RESF1: variants seen among roughly 807,000 people sequenced by gnomAD.
RESF1 encodes the protein retroelement silencing factor 1, also known as gonad expressed transcript.
RESF1 carries 65 observed loss-of-function variants against 134.7 expected under a neutral mutation model. The ratio of observed to expected loss-of-function variants is 0.48; its 90% CI spans 0.40 to 0.59. The LOEUF is 0.59. RESF1 is among the 20% of genes least tolerant of loss of function. The pLI is 0.00. For missense variants in RESF1, 2,274 were observed against 2,002.7 expected (o/e 1.14, Z -2.59); for synonymous variants, 762 against 702.2 (o/e 1.09, Z -1.35).
At position 31,983,209 on chromosome 12, in the gene RESF1, A is replaced by C; in HGVS notation, c.2254A>C (p.Ile752Leu). 6.2e-7 allele frequency: 1 copy of C among 1,610,072 alleles called. No individual in the cohort carries two copies. Residue 752 changes from isoleucine to leucine, a missense_variant, in exon 4 of 6, where the codon ATA becomes CTA. Physicochemically the swap from Ile to Leu is conservative, Grantham distance 5. Transcript: ENST00000312561. ...MHNYESSGIN[I>L]TKGTELQIAV... ...CAATTATGAGTCTTCAGGTATAAAT[A>C]TAACAAAGGGAACAGAACTTCAGAT...
chr12:31,985,820 C>A lies in RESF1; in HGVS notation c.4865C>A (p.Pro1622Gln). The A allele has an allele frequency of 6.4e-7, 1 of 1,564,414 alleles. No individual in the cohort carries two copies. The highest frequency in any genetic ancestry group is 8.6e-7 in the Non-Finnish European group (1 of 1,163,492). The change falls in exon 4 of 6, where the codon CCG becomes CAG. Residue 1622 changes from proline to glutamine, a missense_variant. Coordinates refer to ENST00000312561, the MANE Select transcript of RESF1 (RefSeq NM_018169.4). ...RQENKHKTFL[P>Q]VKGNTEKSNM... is the part of the protein sequence containing the mutation. ...GAAAATAAACATAAGACCTTTTTAC[C>A]GGTGAAAGGTAACACAGAAAAATCA... is the stretch of plus-strand genomic sequence containing the variant.
rs1939836530 is a variant in RESF1, at chr12:31,982,757, A to T, written c.1802A>T (p.Asp601Val). 1.9e-6 allele frequency: 3 copies of T among 1,614,104 alleles called. No homozygotes were observed. The East Asian group carries it at 6.7e-5, about 36-fold the overall frequency. ...AAGACTCAGAAGACAGTATTAAAAG[A>T]TGCTAATCAAACTATTCAGGATTCT... ...ARKTQKTVLK[D>V]ANQTIQDSKP... Residue 601 changes from aspartate (D) to valine (V), a missense_variant, in exon 4 of 6, where the codon GAT (aspartate) becomes GTT (valine). Asp to Val is a radical substitution (Grantham distance 152). Transcript: ENST00000312561.
intron 3 of RESF1, among the ~76,000 whole-genome samples, chr12:31,980,010 TTAG>T (rs1939738356): frequency 6.6e-6 from 1 of 152,096 alleles, no homozygotes; most frequent in Non-Finnish European, 1.5e-5. Flanking sequence ...TTAAGTCACC[TTAG>T]TAGCATAGAC....
intron 3 of RESF1, among the ~76,000 whole-genome samples, chr12:31,974,376 T>C (rs1318081159): frequency 2.0e-5 from 3 of 152,126 alleles, no homozygotes; most frequent in African/African-American, 7.2e-5. Flanking sequence ...TGGGCTACTA[T>C]GACAGTAATG....
At position 31,982,298 on chromosome 12, in the gene RESF1, C is replaced by T; in HGVS notation, c.1343C>T (p.Thr448Ile). 6.2e-7 allele frequency: 1 copy of T among 1,614,104 alleles called. No individual in the cohort carries two copies. The highest frequency in any genetic ancestry group is 8.5e-7 in the Non-Finnish European group (1 of 1,180,026). ...AATTCTAAATTGTCTCTAAAACAAA[C>T]TGCCAAAATCCAGTCTGGACCCCAG... The part of the protein sequence containing the change: ...AQNSKLSLKQ[T>I]AKIQSGPQIT... The change falls in exon 4 of 6, where the codon ACT becomes ATT. Residue 448 changes from threonine (T) to isoleucine (I), a missense_variant. By Grantham distance (89) the Thr-to-Ile change is moderately conservative. Coordinates refer to ENST00000312561, the MANE Select transcript of RESF1 (RefSeq NM_018169.4).
Position 31,984,867 on chromosome 12 carries a change from T to C in RESF1, c.3912T>C (p.Phe1304=). The change falls in exon 4 of 6, where the codon TTT becomes TTC. Residue 1304 remains phenylalanine, a synonymous_variant. Transcript: ENST00000312561. The part of the protein sequence containing the change: ...RKKLRFHEVT[F]HSSNKMTASY... ...AATTGAGGTTTCACGAGGTAACCTTTCACTCCAGTAATAAAATGACAGCAT... is the reference window on the plus strand; with the variant it reads ...AATTGAGGTTTCACGAGGTAACCTTCCACTCCAGTAATAAAATGACAGCAT... 2 of 1,607,068 alleles carry C rather than the reference T, an allele frequency of 1.2e-6. No homozygotes were observed. The highest frequency in any genetic ancestry group is 2.2e-5 in the South Asian group (2 of 88,924).
At position 31,985,137 on chromosome 12, in the gene RESF1, A is replaced by G. The variant is rs1340692695; in HGVS notation, c.4182A>G (p.Lys1394=). Residue 1394 remains lysine, a synonymous_variant, in exon 4 of 6, where the codon AAA becomes AAG. Coordinates refer to ENST00000312561, the MANE Select transcript of RESF1 (RefSeq NM_018169.4). The stretch of plus-strand genomic sequence containing the variant: ...AAGTAAAGAAAAAGAAACATGATAA[A>G]CAAGAACAGAAAGGAAGTGTGGGAG... The part of the protein sequence containing the change: ...DMEVKKKKHD[K]QEQKGSVGAT... The G allele has an allele frequency of 1.3e-6, 2 of 1,549,400 alleles. No homozygotes were observed. Among genetic ancestry groups the G allele is most frequent in the South Asian group, 2.5e-5 (2 of 78,694 alleles).
intron 5 of RESF1, among the ~76,000 whole-genome samples, chr12:31,988,857 T>C (rs1235496593): frequency 6.6e-6 from 1 of 151,928 alleles, no homozygotes; most frequent in Non-Finnish European, 1.5e-5. Context: ...GCCTGGCTTA[T>C]TTTTGTATTT....
Position 31,992,631 on chromosome 12 carries a change from A to C in RESF1, c.*96A>C. 5.5e-6 allele frequency: 7 copies of C among 1,263,036 alleles called. No individual in the cohort carries two copies. The highest frequency in any genetic ancestry group is 7.9e-6 in the Non-Finnish European group (7 of 883,164). The allele number at this position is 1,263,036 out of a possible 1,614,324, so 78.2% of individuals were successfully genotyped here. ...ACTAATGAGAAATGCCATGATAAAG[A>C]TTTCTCAGAGTTTGGTTCCCACTTT... On this transcript the variant is annotated 3_prime_UTR_variant, in exon 6 of 6. Transcript: ENST00000312561.
At chr12:31,961,970 G>A (rs533711275) in intron 2 of RESF1, among the ~76,000 whole-genome samples, 13 of 152,240 alleles carry the variant, frequency 8.5e-5, no homozygotes, top group Non-Finnish European at 1.6e-4. Flanking sequence ...CGCCTATAAT[G>A]CCAGCACTTT....
chr12:31,988,416 G>A (rs1031597103), intron 5 of RESF1, among the ~76,000 whole-genome samples: 6 of 152,186 alleles, frequency 3.9e-5, no homozygotes, highest in African/African-American at 1.4e-4. Flanking sequence ...CATTTACATT[G>A]TATTAGGTAT....
chr12:31,968,661 G>A (rs1939448902), intron 2 of RESF1, among the ~76,000 whole-genome samples: 1 of 151,960 alleles, frequency 6.6e-6, no homozygotes, highest in Admixed American at 6.6e-5. Flanking sequence ...TGTTAGCCAG[G>A]ATGGTCTCGA....
At chr12:31,967,565 T>G (rs1209449499) in intron 2 of RESF1, among the ~76,000 whole-genome samples, 2 of 152,082 alleles carry the variant, frequency 1.3e-5, no homozygotes. Context: ...CACCATTGAT[T>G]GGTTTTTTGT....
chr12:31,959,676 C>T (rs1417297667), intron 1 of RESF1, 185 bp downstream of exon 1: 1 of 151,022 alleles, frequency 6.6e-6, no homozygotes, highest in Non-Finnish European at 1.5e-5. Flanking sequence ...CCCGCCGGCT[C>T]GCGCGTCCCG....
rs771331177 is a variant in RESF1 at position 31,984,857 on chromosome 12, A to T, written c.3902A>T (p.Glu1301Val). 1 of 1,604,898 alleles carries T rather than the reference A, an allele frequency of 6.2e-7. No homozygotes were observed. The highest frequency in any genetic ancestry group is 8.5e-7 in the Non-Finnish European group (1 of 1,177,946). The change falls in exon 4 of 6, where the codon GAG (glutamate) becomes GTG (valine). Residue 1301 changes from glutamate (E) to valine (V), a missense_variant. Physicochemically the swap from Glu to Val is moderately radical, Grantham distance 121. Transcript: ENST00000312561. ...NHKRKKLRFH[E>V]VTFHSSNKMT... ...AAAAGAAAAAAATTGAGGTTTCACG[A>T]GGTAACCTTTCACTCCAGTAATAAA... is the stretch of plus-strand genomic sequence containing the variant.
chr12:31,960,102 T>C (rs934270943), intron 1 of RESF1, among the ~76,000 whole-genome samples: 10 of 152,136 alleles, frequency 6.6e-5, no homozygotes, highest in African/African-American at 2.2e-4. Flanking sequence ...ATGGTTTCTG[T>C]TCCTCAGCAA....
Position 31,983,734 on chromosome 12 carries a change from T to C in RESF1, c.2779T>C (p.Ser927Pro), listed in dbSNP as rs149470712. 1.1e-5 allele frequency: 18 copies of C among 1,613,834 alleles called. No homozygotes were observed. The East Asian group carries it at 2.2e-4, about 20-fold the overall frequency. ...GAAAATGGTTGAGCCACAGAAACCT[T>C]CTCTACCCAATCAGCAAGGGATTGG... ...PLKMVEPQKP[S>P]LPNQQGIGSR... Residue 927 changes from serine (S) to proline (P), a missense_variant, in exon 4 of 6, where the codon TCT becomes CCT. Transcript: ENST00000312561.
chr12:31,985,780 A>G lies in RESF1; in HGVS notation c.4825A>G (p.Lys1609Glu). The G allele has an allele frequency of 1.3e-6, 2 of 1,570,788 alleles. No individual in the cohort carries two copies. Among genetic ancestry groups the G allele is most frequent in the Non-Finnish European group, 1.7e-6 (2 of 1,165,866 alleles). The change falls in exon 4 of 6, where the codon AAA becomes GAA. Residue 1609 changes from lysine (K) to glutamate (E), a missense_variant. By Grantham distance (56) the Lys-to-Glu change is moderately conservative. Coordinates refer to ENST00000312561, the MANE Select transcript of RESF1 (RefSeq NM_018169.4). ...KLESSPRKLH[K>E]DKRQENKHKT... ...AGAAAGTTCACCCAGGAAGCTTCATAAAGATAAGAGACAGGAAAATAAACA... is the reference window on the plus strand; with the variant it reads ...AGAAAGTTCACCCAGGAAGCTTCATGAAGATAAGAGACAGGAAAATAAACA...
intron 5 of RESF1, among the ~76,000 whole-genome samples, chr12:31,990,337 G>A (rs140688147): frequency 2.2e-4 from 33 of 152,338 alleles, no homozygotes; most frequent in Admixed American, 8.5e-4. Flanking sequence ...CAGGAGACAA[G>A]TCATACAGCT....
Sources: gnomAD v4.1 joint callset for allele counts (sites outside exome capture counted in the v4.1 genomes callset) on GRCh38, gnomAD v4.1.1 for gene constraint, MANE v1.5 for transcripts, NCBI Gene and HGNC (gene_info 2026-07-23, HGNC 2026-07-21) for gene names.